The following DNAH9 variants were observed in gnomAD, a reference collection of about 807,000 sequenced individuals.
DNAH9 encodes DNAH9 variant protein.
A neutral mutation model predicts 471.6 loss-of-function variants in DNAH9; 345 were observed. That is an observed-to-expected ratio of 0.73 (90% confidence interval 0.67 to 0.80). The LOEUF is 0.80. Ranked by LOEUF, DNAH9 falls within the 30% of genes least tolerant of loss-of-function variation. The pLI, the probability that DNAH9 is intolerant of heterozygous loss-of-function variation, is 0.00. For synonymous variants in DNAH9, 2,093 were observed against 2,123.6 expected (o/e 0.99, Z 0.40); for missense variants, 5,407 against 5,609.2 (o/e 0.96, Z 1.15).
chr17:11,741,732 G>A (rs1171421258), intron 29 of DNAH9, among the ~76,000 whole-genome samples: 3 of 152,184 alleles, frequency 2.0e-5, no homozygotes, highest in Non-Finnish European at 4.4e-5. Context: ...CACATTTTGA[G>A]GATGAAGAAT....
chr17:11,631,577 G>A (rs1157546273), intron 7 of DNAH9, among the ~76,000 whole-genome samples: 1 of 150,752 alleles, frequency 6.6e-6, no homozygotes, highest in African/African-American at 2.4e-5. Flanking sequence ...GGAGGCAGAG[G>A]TTGCAGTGAG....
At chr17:11,687,562 A>AAC (rs1400759175) in intron 19 of DNAH9, among the ~76,000 whole-genome samples, 1 of 152,098 alleles carries the variant, frequency 6.6e-6, no homozygotes, top group Non-Finnish European at 1.5e-5. Flanking sequence ...TACACACAGA[A>AAC]ACACACACAC....
chr17:11,855,446 T>C (rs116513040), intron 50 of DNAH9, among the ~76,000 whole-genome samples: 224 of 152,304 alleles, frequency 1.5e-3, no homozygotes, highest in African/African-American at 5.1e-3. Flanking sequence ...GTGGAGTCTT[T>C]GTGTGAGAAA....
rs779993508 is a variant in DNAH9 at position 11,932,129 on chromosome 17, G to C, written c.12221G>C (p.Arg4074Pro). The C allele has an allele frequency of 1.2e-6, 2 of 1,614,106 alleles. No individual in the cohort carries two copies. Among genetic ancestry groups the C allele is most frequent in the East Asian group, 2.2e-5 (1 of 44,882 alleles). The stretch of plus-strand genomic sequence containing the variant: ...AAATTTGGGCCCCAGGGATGGAATC[G>C]CTCATACCCCTTTAACACTGGAGAC... ...RRKFGPQGWN[R>P]SYPFNTGDLT... Residue 4074 changes from arginine to proline, a missense_variant, in exon 64 of 69, where the codon CGC (arginine) becomes CCC (proline). This residue lies in a region of DNAH9 where 4,636 missense variants were observed against 4,900.3 expected (regional missense o/e 0.95). Coordinates refer to ENST00000262442, the MANE Select transcript of DNAH9 (RefSeq NM_001372.4). This position sits in a 1 kb window ranked among gnomAD's most constrained non-coding sequence, Gnocchi z 4.3.
chr17:11,741,350 C>A (rs972763690), intron 29 of DNAH9, among the ~76,000 whole-genome samples: 9 of 152,140 alleles, frequency 5.9e-5, no homozygotes, highest in African/African-American at 1.9e-4. Context: ...ATTGTATATG[C>A]CATTCTGTGT....
In DNAH9 at chr17:11,902,743, T is replaced by A; in HGVS notation, c.11431T>A (p.Ser3811Thr). The change falls in exon 60 of 69, where the codon TCT becomes ACT. Residue 3811 changes from serine to threonine, a missense_variant. Ser to Thr is a moderately conservative substitution (Grantham distance 58). Coordinates refer to ENST00000262442, the MANE Select transcript of DNAH9 (RefSeq NM_001372.4). ...GGTACTTTCATCAATGGAAGAATTC[T>A]CTAATCTGGATCGGGACATAGAGGG... is the stretch of plus-strand genomic sequence containing the variant. ...VKVLSSMEEF[S>T]NLDRDIEGSA... The A allele has an allele frequency of 6.2e-7, 1 of 1,611,778 alleles. No individual in the cohort carries two copies. The highest frequency in any genetic ancestry group is 1.3e-5 in the African/African-American group (1 of 74,856).
At position 11,690,358 on chromosome 17, in the gene DNAH9, G is replaced by C. The variant is rs757262648; in HGVS notation, c.4536G>C (p.Trp1512Cys). 1.5e-5 allele frequency: 25 copies of C among 1,614,062 alleles called. No homozygotes were observed. Among genetic ancestry groups the C allele is most frequent in the Non-Finnish European group, 1.9e-5 (23 of 1,180,040 alleles). The change falls in exon 20 of 69, where the codon TGG becomes TGC. Residue 1512 changes from tryptophan to cysteine, a missense_variant. Transcript: ENST00000262442. ...CAGTGGACGCTGTCATCTCTATCTG[G>C]TTTGAAGTGCAGCGAACATGGACTC... ...LSTVDAVISIWFEVQRTWTHL... is the reference protein window; with the variant it reads ...LSTVDAVISICFEVQRTWTHL...
chr17:11,902,870 T>C lies in DNAH9; in HGVS notation c.11558T>C (p.Met3853Thr), dbSNP rs1973459213. Residue 3853 changes from methionine (M) to threonine (T), a missense_variant, in exon 60 of 69, where the codon ATG (methionine) becomes ACG (threonine). Met to Thr is a moderately conservative substitution (Grantham distance 81). This residue lies in a region of DNAH9 where 4,636 missense variants were observed against 4,900.3 expected (regional missense o/e 0.95). Coordinates refer to ENST00000262442, the MANE Select transcript of DNAH9 (RefSeq NM_001372.4). ...KNKTALQRLC[M>T]LRAMRPDRMT... ...AAGACAGCCCTGCAGCGCCTCTGCATGCTGAGAGCCATGCGGCCCGACCGG... is the reference window on the plus strand; with the variant it reads ...AAGACAGCCCTGCAGCGCCTCTGCACGCTGAGAGCCATGCGGCCCGACCGG... 1.2e-6 allele frequency: 2 copies of C among 1,613,900 alleles called. No homozygotes were observed. The highest frequency in any genetic ancestry group is 1.3e-5 in the African/African-American group (1 of 75,036).
At chr17:11,791,756 A>G (rs992596200) in intron 41 of DNAH9, among the ~76,000 whole-genome samples, 11 of 152,170 alleles carry the variant, frequency 7.2e-5, no homozygotes, top group African/African-American at 2.7e-4. Flanking sequence ...TAATTCTTCT[A>G]TAATCGAGAC....
chr17:11,738,335 G>A (rs1306923178), intron 28 of DNAH9, among the ~76,000 whole-genome samples: 1 of 152,152 alleles, frequency 6.6e-6, no homozygotes, highest in Non-Finnish European at 1.5e-5. Context: ...TCCCTCCCAT[G>A]CTCTTAGCCA....
At chr17:11,784,210 T>G in intron 40 of DNAH9, 90 bp from the exon 41 acceptor site, 1 of 1,577,198 alleles carries the variant, frequency 6.3e-7, no homozygotes, top group Non-Finnish European at 8.6e-7. Context: ...GAAGGCTGTA[T>G]AAGAATTTTC....
At chr17:11,883,791 G>A in intron 56 of DNAH9, 41 bp downstream of exon 56, 1 of 1,586,622 alleles carries the variant, frequency 6.3e-7, no homozygotes, top group Non-Finnish European at 8.6e-7. Flanking sequence ...AGCCTAGGCT[G>A]GGGTCCTCCT....
intron 45 of DNAH9, among the ~76,000 whole-genome samples, chr17:11,811,921 T>C (rs1442055998): frequency 1.5e-5 from 2 of 132,068 alleles, no homozygotes; most frequent in African/African-American, 5.7e-5. Flanking sequence ...ACCAGGGAGA[T>C]ACAGGTTGCA....
chr17:11,956,627 CTA>C (rs1467227956), intron 67 of DNAH9, among the ~76,000 whole-genome samples: 3 of 151,948 alleles, frequency 2.0e-5, no homozygotes, highest in Non-Finnish European at 4.4e-5. Flanking sequence ...TATTAACTGA[CTA>C]TAGCATAATT....
At chr17:11,608,350 T>C (rs371734467) in intron 2 of DNAH9, 25 bp downstream of exon 2, 84 of 1,556,058 alleles carry the variant, frequency 5.4e-5, no homozygotes, top group Non-Finnish European at 7.0e-5. Flanking sequence ...CCTGGCCATA[T>C]GGGCCTCTGA....
chr17:11,602,565 CACT>C (rs1378607508), intron 1 of DNAH9, among the ~76,000 whole-genome samples: 1 of 152,216 alleles, frequency 6.6e-6, no homozygotes, highest in Non-Finnish European at 1.5e-5. Flanking sequence ...CATCCACTCT[CACT>C]GCTGCATCCT....
intron 63 of DNAH9, among the ~76,000 whole-genome samples, chr17:11,930,506 G>C (rs1431412645): frequency 1.3e-5 from 2 of 152,028 alleles, no homozygotes; most frequent in African/African-American, 4.8e-5. Context: ...GAGTATCAAG[G>C]GTTCAAAGAA....
chr17:11,889,234 G>T (rs898267559), intron 57 of DNAH9, among the ~76,000 whole-genome samples: 19 of 152,184 alleles, frequency 1.2e-4, no homozygotes, highest in African/African-American at 4.3e-4. Flanking sequence ...TCTCAAAATA[G>T]AAGAAGCTTG....
chr17:11,716,198 C>T (rs2074959414), intron 26 of DNAH9, among the ~76,000 whole-genome samples: 1 of 151,526 alleles, frequency 6.6e-6, no homozygotes. Flanking sequence ...ATTCTCTGGC[C>T]TCAGCCACCC....
Sources: gnomAD v4.1 joint callset for allele counts (sites outside exome capture counted in the v4.1 genomes callset) on GRCh38, gnomAD v4.1.1 for gene constraint, gnomAD v4.1.1 regional missense constraint, Gnocchi (gnomAD v3.1) non-coding constraint, MANE v1.5 for transcripts, NCBI Gene and HGNC (gene_info 2026-07-23, HGNC 2026-07-21) for gene names.